Variants in KALRN observed in about 807,000 individuals in gnomAD.
The protein encoded by KALRN is kalirin RhoGEF kinase, also known as kalirin.
In KALRN, 70 loss-of-function variants were observed where a neutral mutation model predicts 353.7. That is an observed-to-expected ratio of 0.20 (90% CI 0.16 to 0.24). The LOEUF is 0.24. Among genes scored for constraint, KALRN ranks in the 10% least tolerant of loss-of-function variants. The pLI is 1.00. For synonymous variants in KALRN, 1,391 were observed against 1,434.8 expected, an observed-to-expected ratio of 0.97 and a Z score of 0.69; for missense variants, 2,791 against 3,756.7, an observed-to-expected ratio of 0.74 and a Z score of 6.72.
chr3:124,449,098 T>A (rs1386644329), intron 21 of KALRN, among the ~76,000 whole-genome samples: 2 of 152,210 alleles, frequency 1.3e-5, no homozygotes, highest in African/African-American at 4.8e-5. Context: ...TAATCCCACT[T>A]TCCAGAGGTA....
At chr3:124,434,068 A>G (rs2093381423) in intron 16 of KALRN, among the ~76,000 whole-genome samples, 1 of 152,202 alleles carries the variant, frequency 6.6e-6, no homozygotes, top group Non-Finnish European at 1.5e-5. Context: ...GCTGCAAGGA[A>G]AAAGAAAGAA....
In KALRN at chr3:124,649,345, C is replaced by T. The variant is rs890138822; in HGVS notation, c.5665-1463C>T. ...CAGCTCACTGAAGGCCAAGCTGAAG[C>T]CTTTCATTCCTACCTTTTTGGACTG... On this transcript the variant is annotated intron_variant, in intron 37 of 59. Coordinates refer to ENST00000682506, the MANE Select transcript of KALRN (RefSeq NM_001388419.1). 5.9e-5 allele frequency among the ~76,000 whole-genome samples: 9 copies of T among 152,174 alleles called. 1 individual carries two copies. The highest frequency in any genetic ancestry group is 3.9e-4 in the Admixed American group (6 of 15,278).
chr3:124,436,154 A>C (rs1222121239), intron 17 of KALRN, among the ~76,000 whole-genome samples: 3 of 152,228 alleles, frequency 2.0e-5, no homozygotes, highest in African/African-American at 7.2e-5. Flanking sequence ...ATCCATATGG[A>C]AACAAATGAG....
At chr3:124,534,337 C>G (rs1350968419) in intron 33 of KALRN, among the ~76,000 whole-genome samples, 4 of 152,046 alleles carry the variant, frequency 2.6e-5, no homozygotes, top group Non-Finnish European at 4.4e-5. Context: ...AACACATGGG[C>G]ACAGGAGGGG....
At chr3:124,128,449 AT>A (rs1458775035) in intron 1 of KALRN, among the ~76,000 whole-genome samples, 1 of 152,198 alleles carries the variant, frequency 6.6e-6, no homozygotes. Context: ...CTGAGGTCAA[AT>A]AAACTTTTGG....
chr3:124,135,960 T>C (rs1218205596), intron 1 of KALRN, among the ~76,000 whole-genome samples: 2 of 152,166 alleles, frequency 1.3e-5, no homozygotes, highest in Non-Finnish European at 2.9e-5. Context: ...GATGAGAAAA[T>C]GGAGGCACAG....
intron 51 of KALRN, among the ~76,000 whole-genome samples, chr3:124,688,879 T>C (rs1255117023): frequency 6.6e-6 from 1 of 152,226 alleles, no homozygotes. Flanking sequence ...TACCTGTAAC[T>C]CTTTCCTCTT....
chr3:124,213,036 A>G (rs893398508), intron 1 of KALRN, among the ~76,000 whole-genome samples: 2 of 152,088 alleles, frequency 1.3e-5, no homozygotes, highest in African/African-American at 4.8e-5. Context: ...AATCTGACAT[A>G]TAGTTTAAAT....
At chr3:124,619,978 G>T (rs543082378) in intron 34 of KALRN, among the ~76,000 whole-genome samples, 41 of 142,680 alleles carry the variant, frequency 2.9e-4, no homozygotes, top group African/African-American at 7.1e-4. Flanking sequence ...AACCATTTTG[G>T]TTTTTTTTTT....
chr3:124,191,603 T>A (rs1446060516), intron 1 of KALRN, among the ~76,000 whole-genome samples: 6 of 152,246 alleles, frequency 3.9e-5, no homozygotes, highest in Non-Finnish European at 5.9e-5. Context: ...ATGGTTTTTT[T>A]AATACCATAT....
intron 33 of KALRN, among the ~76,000 whole-genome samples, chr3:124,513,766 G>A (rs1481418699): frequency 6.6e-6 from 1 of 152,310 alleles, no homozygotes; most frequent in Non-Finnish European, 1.5e-5. Flanking sequence ...TGTGGCTGAT[G>A]TCTTTGCACT....
At position 124,722,110 on chromosome 3, in the gene KALRN, G is replaced by GT. The variant is rs2063364703; in HGVS notation, c.*2645dup. 6.6e-6 allele frequency: 1 copy of GT among 152,346 alleles called. No individual in the cohort carries two copies. Among genetic ancestry groups the GT allele is most frequent in the African/African-American group, 2.4e-5 (1 of 41,442 alleles). The allele number at this position is 152,346 out of a possible 1,614,324, so 9.4% of individuals were successfully genotyped here. A position where few individuals can be genotyped will look rare whatever the true frequency, so the allele number is the denominator to read the frequency against. On this transcript the variant is annotated 3_prime_UTR_variant, in exon 60 of 60. Coordinates refer to ENST00000682506, the MANE Select transcript of KALRN (RefSeq NM_001388419.1). ...AGATCCCCCTGCTGAGCCATTCTGA[G>GT]TTTTTATAACAAGTTGAGTTTCTGC... is the stretch of plus-strand genomic sequence containing the variant.
chr3:124,441,971 T>C lies in KALRN; in HGVS notation c.3225T>C (p.Ala1075=). 6.2e-7 allele frequency: 1 copy of C among 1,601,692 alleles called. No individual in the cohort carries two copies. Among genetic ancestry groups the C allele is most frequent in the East Asian group, 2.3e-5 (1 of 44,186 alleles). The change falls in exon 19 of 60, where the codon GCT becomes GCC. Residue 1075 remains alanine (A), a synonymous_variant. Coordinates refer to ENST00000682506, the MANE Select transcript of KALRN (RefSeq NM_001388419.1). The stretch of plus-strand genomic sequence containing the variant: ...CCTGCACCCTGGCTCGGCGGAATGC[T>C]GAGGTGTTTCTCAAGTACATCCACA... ...LKACTLARRN[A]EVFLKYIHRN...
chr3:124,679,652 C>A, intron 51 of KALRN, 135 bp downstream of exon 51: 1 of 801,548 alleles, frequency 1.2e-6, no homozygotes, highest in Non-Finnish European at 2.3e-6. Context: ...GTATCCCATC[C>A]CAGCTATAAA....
chr3:124,649,305 A>G (rs2083113839), intron 37 of KALRN, among the ~76,000 whole-genome samples: 1 of 152,198 alleles, frequency 6.6e-6, no homozygotes, highest in South Asian at 2.1e-4. Flanking sequence ...GAGCATCATG[A>G]CAATACTCCA....
chr3:124,372,614 TA>T (rs1297590443), intron 10 of KALRN, among the ~76,000 whole-genome samples: 6 of 26,102 alleles, frequency 2.3e-4, no homozygotes, highest in Admixed American at 1.3e-3. Flanking sequence ...TTTTATTATT[TA>T]TTTTTTTATT....
At chr3:124,518,276 G>T in intron 33 of KALRN, 2 of 837,384 alleles carry the variant, frequency 2.4e-6, no homozygotes, top group South Asian at 1.4e-5. Flanking sequence ...TCTGCACTGG[G>T]TTACTAGAAA....
intron 6 of KALRN, among the ~76,000 whole-genome samples, chr3:124,307,122 T>C (rs1415286932): frequency 6.6e-6 from 1 of 152,136 alleles, no homozygotes. Flanking sequence ...ACATTTCTTC[T>C]CCTTTTTTCT....
In KALRN at chr3:124,395,074, C is replaced by T. The variant is rs1008757116; in HGVS notation, c.1963-61C>T. 1.4e-5 allele frequency: 20 copies of T among 1,388,380 alleles called. No individual in the cohort carries two copies. The East Asian group carries it at 3.7e-4, about 26-fold the overall frequency. 86.0% of individuals were successfully genotyped at this position (1,388,380 alleles called of 1,614,324 possible). ...GTGATTCCAGTCTAGCTTCCTTGCCCTCACCCCAGCCCTGGCCTCTCCCAT... is the reference window on the plus strand; with the variant it reads ...GTGATTCCAGTCTAGCTTCCTTGCCTTCACCCCAGCCCTGGCCTCTCCCAT... On this transcript the variant is annotated intron_variant, in intron 11 of 59. Transcript: ENST00000682506.
Sources: allele counts gnomAD v4.1 joint callset (sites outside exome capture counted in the v4.1 genomes callset), GRCh38; gene constraint gnomAD v4.1.1; transcripts MANE v1.5; gene names NCBI Gene and HGNC (gene_info 2026-07-23, HGNC 2026-07-21).